PLD5: variants seen among roughly 807,000 people sequenced by gnomAD.
PLD5 encodes inactive phospholipase D5.
Under a neutral mutation model 61.1 loss-of-function variants are expected in PLD5, and 36 were observed. The observed-to-expected ratio is 0.59, with a 90% CI of 0.45 to 0.78. PLD5 has a LOEUF of 0.78. Ranked by LOEUF, PLD5 falls within the 30% of genes least tolerant of loss-of-function variation. The pLI is 0.00. For synonymous variants in PLD5, 243 were observed against 242.8 expected (o/e 1.00, Z -0.01); for missense variants, 515 against 644.4 (o/e 0.80, Z 2.17).
At chr1:242,316,249 G>A (rs1657956660) in intron 2 of PLD5, among the ~76,000 whole-genome samples, 1 of 152,198 alleles carries the variant, frequency 6.6e-6, no homozygotes, top group South Asian at 2.1e-4. Context: ...TAAAATGAGT[G>A]CCCATTTTGG....
At position 242,339,692 on chromosome 1, in the gene PLD5, G is replaced by A. The variant is rs533296825; in HGVS notation, c.326+8414C>T. 2.0e-5 allele frequency among the ~76,000 whole-genome samples: 3 copies of A among 152,276 alleles called. No homozygotes were observed. The South Asian group carries it at 6.2e-4, about 32-fold the overall frequency. On this transcript the variant is annotated intron_variant, in intron 2 of 9. Transcript: ENST00000536534. ...ACTGGATTCAGTGTGTTGACAGAGG[G>A]GCTAGTTTTAGAAAAGGAAAGGAAC...
intron 1 of PLD5, among the ~76,000 whole-genome samples, chr1:242,458,481 A>G (rs550582080): frequency 1.2e-4 from 19 of 152,362 alleles, no homozygotes; most frequent in African/African-American, 4.6e-4. Context: ...GCCCCTCCAA[A>G]GCCAAGGCTC....
intron 1 of PLD5, among the ~76,000 whole-genome samples, chr1:242,508,754 A>AT (rs1668809655): frequency 1.3e-5 from 2 of 152,202 alleles, no homozygotes; most frequent in Non-Finnish European, 2.9e-5. Flanking sequence ...AGAAAAAAAA[A>AT]GTAGCCTAAT....
intron 1 of PLD5, among the ~76,000 whole-genome samples, chr1:242,384,018 G>A (rs1021012746): frequency 2.6e-5 from 4 of 152,192 alleles, no homozygotes; most frequent in African/African-American, 4.8e-5. Flanking sequence ...GGAATCCGCT[G>A]CAAAATCCCG....
intron 2 of PLD5, among the ~76,000 whole-genome samples, chr1:242,318,380 A>G (rs1468815995): frequency 6.6e-6 from 1 of 152,120 alleles, no homozygotes. Flanking sequence ...CTGCTGTCAC[A>G]CCTGCCAAAC....
chr1:242,385,781 T>C (rs796636503), intron 1 of PLD5, among the ~76,000 whole-genome samples: 28 of 152,284 alleles, frequency 1.8e-4, no homozygotes, highest in African/African-American at 6.0e-4. Flanking sequence ...AATGCTAGAA[T>C]CAGAAAATGA....
chr1:242,372,524 G>A (rs185143644), intron 1 of PLD5, among the ~76,000 whole-genome samples: 30 of 152,238 alleles, frequency 2.0e-4, no homozygotes, highest in Middle Eastern at 3.4e-3. Flanking sequence ...GAGGCATCAC[G>A]CTACCTGACT....
At chr1:242,197,042 A>G (rs1345628883) in intron 5 of PLD5, among the ~76,000 whole-genome samples, 1 of 151,930 alleles carries the variant, frequency 6.6e-6, no homozygotes, top group Non-Finnish European at 1.5e-5. Context: ...GCCCCCTCTC[A>G]AGTAGGAGGC....
chr1:242,144,395 A>T (rs1664402140), intron 5 of PLD5, among the ~76,000 whole-genome samples: 1 of 152,198 alleles, frequency 6.6e-6, no homozygotes, highest in South Asian at 2.1e-4. Flanking sequence ...AGAAACTAGA[A>T]GCAGAGTGTG....
At chr1:242,464,414 C>T (rs1667213218) in intron 1 of PLD5, among the ~76,000 whole-genome samples, 1 of 152,232 alleles carries the variant, frequency 6.6e-6, no homozygotes, top group Non-Finnish European at 1.5e-5. Flanking sequence ...TAGCACATAG[C>T]TTTCCTTACC....
rs1669383786 is a variant in PLD5 at position 242,524,477 on chromosome 1, C to T, written c.-201G>A. On this transcript the variant is annotated 5_prime_UTR_variant, in exon 1 of 10. Transcript: ENST00000536534. ...GGGAGCGCGGCCGGGCGGGAGGGGG[C>T]GATCGCGGGAGGCGCGGGGCGGAAG... 8.8e-6 allele frequency: 2 copies of T among 227,410 alleles called. No homozygotes were observed. Among genetic ancestry groups the T allele is most frequent in the Admixed American group, 6.6e-5 (1 of 15,158 alleles). 14.1% of individuals were successfully genotyped at this position (227,410 alleles called of 1,614,324 possible). A position where few individuals can be genotyped will look rare whatever the true frequency, so the allele number is the denominator to read the frequency against.
At chr1:242,241,044 C>A (rs964316232) in intron 4 of PLD5, among the ~76,000 whole-genome samples, 3 of 152,084 alleles carry the variant, frequency 2.0e-5, no homozygotes, top group Non-Finnish European at 4.4e-5. Flanking sequence ...TTTGCGTTGG[C>A]CTCATTAAAA....
chr1:242,426,980 A>C (rs1311108260), intron 1 of PLD5, among the ~76,000 whole-genome samples: 2 of 152,170 alleles, frequency 1.3e-5, no homozygotes, highest in East Asian at 3.9e-4. Context: ...TGAAGGTAGT[A>C]AGCACCTTGG....
At chr1:242,485,408 T>C (rs1667925487) in intron 1 of PLD5, among the ~76,000 whole-genome samples, 1 of 151,616 alleles carries the variant, frequency 6.6e-6, no homozygotes, top group Non-Finnish European at 1.5e-5. Context: ...CAAGCATTCT[T>C]ACACACCAAT....
intron 5 of PLD5, among the ~76,000 whole-genome samples, chr1:242,196,439 A>G (rs1668642262): frequency 6.6e-6 from 1 of 152,214 alleles, no homozygotes; most frequent in Non-Finnish European, 1.5e-5. Flanking sequence ...GGCTCAAGAC[A>G]TCAGAAAGGT....
At chr1:242,239,854 T>C (rs1401097662) in intron 4 of PLD5, among the ~76,000 whole-genome samples, 2 of 152,226 alleles carry the variant, frequency 1.3e-5, no homozygotes, top group African/African-American at 4.8e-5. Context: ...TAAATATTTG[T>C]TATTACTATT....
At chr1:242,207,846 A>ATATATT (rs1669472283) in intron 5 of PLD5, among the ~76,000 whole-genome samples, 1 of 51,832 alleles carries the variant, frequency 1.9e-5, no homozygotes, top group African/African-American at 9.6e-5. Flanking sequence ...ATATATTTAT[A>ATATATT]TATATTTATA....
Position 242,184,408 on chromosome 1 carries a change from G to GGAGTC in PLD5, c.735+35575_735+35579dup, listed in dbSNP as rs1354333347. 3.3e-5 allele frequency among the ~76,000 whole-genome samples: 5 copies of GGAGTC among 152,178 alleles called. No homozygotes were observed. The South Asian group carries it at 6.2e-4, about 19-fold the overall frequency. On this transcript the variant is annotated intron_variant, in intron 5 of 9. Coordinates refer to ENST00000536534, the MANE Select transcript of PLD5 (RefSeq NM_001372062.1). ...TAAAATTATTTTTATTTTTTGAGAT[G>GGAGTC]GAGTCTTGCTCTGTCAACCAGGCTG... is the stretch of plus-strand genomic sequence containing the variant.
At chr1:242,128,102 CA>C (rs1662939078) in intron 5 of PLD5, among the ~76,000 whole-genome samples, 1 of 151,950 alleles carries the variant, frequency 6.6e-6, no homozygotes, top group Non-Finnish European at 1.5e-5. Context: ...ATTGTTTGTT[CA>C]AAAACAGTCT....
Sources: gnomAD v4.1 joint callset for allele counts (sites outside exome capture counted in the v4.1 genomes callset) on GRCh38, gnomAD v4.1.1 for gene constraint, MANE v1.5 for transcripts, NCBI Gene and HGNC (gene_info 2026-07-23, HGNC 2026-07-21) for gene names.